Variants in SVIL observed in about 807,000 individuals in gnomAD.
The protein encoded by SVIL is supervillin.
A neutral mutation model predicts 240.4 loss-of-function variants in SVIL; 101 were observed. The ratio of observed to expected loss-of-function variants is 0.42; its 90% CI spans 0.36 to 0.50. The LOEUF (loss-of-function observed/expected upper bound fraction) is 0.50. SVIL is among the 20% of genes least tolerant of loss of function. The pLI, the probability that SVIL is intolerant of heterozygous loss-of-function variation, is 0.01. For synonymous variants in SVIL, 999 were observed against 1,100.0 expected, an observed-to-expected ratio of 0.91 and a Z score of 1.82; for missense variants, 2,512 against 2,818.7, an observed-to-expected ratio of 0.89 and a Z score of 2.46.
chr10:29,653,716 G>A (rs1958913571), intron 3 of SVIL, among the ~76,000 whole-genome samples: 2 of 151,976 alleles, frequency 1.3e-5, no homozygotes, highest in African/African-American at 4.8e-5. Context: ...GTTAATTTTT[G>A]TTTATGATAT....
rs748697912 is a variant in SVIL, at chr10:29,527,023, G to C, written c.2280C>G (p.Thr760=). ...TAGGAAGTCTCGCCATTACAGGGTG[G>C]GTGCCCCCAGAACACGAAGCGGGGA... ...EPIPASCSGG[T]HPVMARLPSP... is the part of the protein sequence containing the mutation. Residue 760 remains threonine (T), a synonymous_variant, in exon 13 of 38, where the codon ACC becomes ACG. Transcript: ENST00000355867. 1.2e-6 allele frequency: 2 copies of C among 1,613,760 alleles called. No individual in the cohort carries two copies. The highest frequency in any genetic ancestry group is 1.7e-5 in the Admixed American group (1 of 59,960).
At chr10:29,680,980 T>C (rs1960596224) in intron 2 of SVIL, among the ~76,000 whole-genome samples, 1 of 151,226 alleles carries the variant, frequency 6.6e-6, no homozygotes, top group Non-Finnish European at 1.5e-5. Flanking sequence ...GCATGGACAC[T>C]ACCTGCTGGG....
At chr10:29,557,021 T>A (rs947064445) in intron 3 of SVIL, among the ~76,000 whole-genome samples, 1 of 152,082 alleles carries the variant, frequency 6.6e-6, no homozygotes, top group African/African-American at 2.4e-5. Context: ...ATAGAAAATA[T>A]TAATAGGGTC....
At chr10:29,674,980 A>T (rs1457789464) in intron 2 of SVIL, among the ~76,000 whole-genome samples, 1 of 152,216 alleles carries the variant, frequency 6.6e-6, no homozygotes, top group Non-Finnish European at 1.5e-5. Flanking sequence ...ATAGTCCAGG[A>T]TAATCTCCCC....
At chr10:29,681,856 G>A (rs1443155627) in intron 2 of SVIL, among the ~76,000 whole-genome samples, 2 of 152,078 alleles carry the variant, frequency 1.3e-5, no homozygotes, top group African/African-American at 4.8e-5. Context: ...ACAGATGCAG[G>A]GCTTCTTACA....
chr10:29,508,306 C>T (rs1279706811), intron 17 of SVIL: 2 of 1,264,466 alleles, frequency 1.6e-6, no homozygotes, highest in Non-Finnish European at 1.0e-6. Context: ...ATTCTGGCCA[C>T]CATCGAGAGG....
chr10:29,538,824 T>C (rs544003714), intron 6 of SVIL, among the ~76,000 whole-genome samples: 2 of 152,242 alleles, frequency 1.3e-5, no homozygotes, highest in East Asian at 1.9e-4. Context: ...GACCCCATTC[T>C]AAGTTGAGGA....
intron 1 of SVIL, among the ~76,000 whole-genome samples, chr10:29,600,273 A>C (rs1956761823): frequency 6.6e-6 from 1 of 152,202 alleles, no homozygotes; most frequent in African/African-American, 2.4e-5. Flanking sequence ...TATGTATGAC[A>C]CAGACTAGAA....
chr10:29,539,732 T>C (rs756525154), intron 6 of SVIL, among the ~76,000 whole-genome samples: 1 of 152,150 alleles, frequency 6.6e-6, no homozygotes, highest in African/African-American at 2.4e-5. Context: ...ACCCCCACGA[T>C]ACACAGCCCC....
At chr10:29,579,151 C>T (rs1955827031) in intron 1 of SVIL, among the ~76,000 whole-genome samples, 1 of 152,032 alleles carries the variant, frequency 6.6e-6, no homozygotes. Context: ...AAAACGGGGA[C>T]AATGGGCCAG....
At chr10:29,691,804 A>G (rs1589522442) in intron 1 of SVIL, among the ~76,000 whole-genome samples, 1 of 152,160 alleles carries the variant, frequency 6.6e-6, no homozygotes, top group South Asian at 2.1e-4. Context: ...TCCCTGTAAC[A>G]CTCTGTTATA....
intron 1 of SVIL, among the ~76,000 whole-genome samples, chr10:29,686,987 T>C: frequency 6.6e-6 from 1 of 152,090 alleles, no homozygotes; most frequent in East Asian, 1.9e-4. Flanking sequence ...ACCCCCAAAC[T>C]CCTTACGCAA....
intron 17 of SVIL, among the ~76,000 whole-genome samples, chr10:29,502,939 A>T (rs1197634394): frequency 6.6e-6 from 1 of 152,202 alleles, no homozygotes; most frequent in Non-Finnish European, 1.5e-5. Flanking sequence ...TAGAACTAAG[A>T]TGTATTATAA....
chr10:29,485,985 C>T lies in SVIL; in HGVS notation c.4779+100G>A, dbSNP rs534849136. ...GTTCTACAATGGATACCGACACTGG[C>T]TAACCTTTATTGGGAACTTACTCTC... On this transcript the variant is annotated intron_variant, in intron 26 of 37. Transcript: ENST00000355867. 5.6e-5 allele frequency: 79 copies of T among 1,403,208 alleles called. No homozygotes were observed. In the East Asian group the frequency reaches 1.8e-3, roughly 32 times the overall value. The allele number at this position is 1,403,208 out of a possible 1,614,324, so 86.9% of individuals were successfully genotyped here.
At chr10:29,716,752 G>C (rs1048781734) in intron 1 of SVIL, among the ~76,000 whole-genome samples, 3 of 152,174 alleles carry the variant, frequency 2.0e-5, no homozygotes, top group African/African-American at 7.2e-5. Flanking sequence ...TTGGATTCTT[G>C]AAGCAGTTTA....
chr10:29,503,314 C>T (rs1366875124), intron 17 of SVIL, among the ~76,000 whole-genome samples: 2 of 152,132 alleles, frequency 1.3e-5, no homozygotes, highest in Non-Finnish European at 2.9e-5. Flanking sequence ...AAGTGTTTTC[C>T]AGTCCTGTCA....
intron 1 of SVIL, among the ~76,000 whole-genome samples, chr10:29,727,802 C>T (rs1448316037): frequency 6.7e-6 from 1 of 150,192 alleles, no homozygotes; most frequent in Non-Finnish European, 1.5e-5. Context: ...TTGCAGGGAA[C>T]AAGTGCCAGG....
At chr10:29,679,066 A>G (rs1148208) in intron 2 of SVIL, among the ~76,000 whole-genome samples, 73,487 of 152,040 alleles carry the variant, frequency 0.48, 18,059 homozygotes, top group East Asian at 0.68. Flanking sequence ...TTAGCCTGGC[A>G]TGGTGGCGCA....
chr10:29,514,043 T>C (rs1950040029), intron 16 of SVIL, among the ~76,000 whole-genome samples: 1 of 151,650 alleles, frequency 6.6e-6, no homozygotes, highest in African/African-American at 2.4e-5. Context: ...TCAAACAATT[T>C]AAAGAGTAGG....
Sources: allele counts gnomAD v4.1 joint callset (sites outside exome capture counted in the v4.1 genomes callset), GRCh38; gene constraint gnomAD v4.1.1; transcripts MANE v1.5; gene names NCBI Gene and HGNC (gene_info 2026-07-23, HGNC 2026-07-21).